Variants in SPDYE10 observed in about 807,000 individuals in gnomAD.
SPDYE10 encodes the protein speedy protein E10.
the SPDYE10 span, among the ~76,000 whole-genome samples, chr7:73,141,111 C>CACACACACACACAG: frequency 2.7e-5 from 4 of 145,522 alleles, no homozygotes; most frequent in African/African-American, 1.0e-4. Flanking sequence ...CACACACACA[C>CACACACACACACAG]AGACAAAATT....
the SPDYE10 span, among the ~76,000 whole-genome samples, chr7:73,113,995 G>A: frequency 7.2e-6 from 1 of 138,408 alleles, no homozygotes; most frequent in East Asian, 2.1e-4. Flanking sequence ...CATTTGCACT[G>A]TAGCCTGGGC....
the SPDYE10 span, among the ~76,000 whole-genome samples, chr7:73,142,858 A>G: frequency 6.6e-6 from 1 of 151,368 alleles, no homozygotes; most frequent in Non-Finnish European, 1.5e-5. Flanking sequence ...ACTTGAATCT[A>G]GGAGGCGGAG....
chr7:73,117,275 T>A, the SPDYE10 span, among the ~76,000 whole-genome samples: 6 of 116,662 alleles, frequency 5.1e-5, no homozygotes, highest in East Asian at 1.3e-3. Flanking sequence ...AGACGGGGTT[T>A]CACCATGTTA....
the SPDYE10 span, among the ~76,000 whole-genome samples, chr7:73,143,088 G>A: frequency 1.2e-4 from 18 of 150,756 alleles, no homozygotes; most frequent in Non-Finnish European, 1.5e-5. Flanking sequence ...ACCTTCTGCA[G>A]GACTTCACCT....
chr7:73,137,611 AAAGAAAG>A, the SPDYE10 span, among the ~76,000 whole-genome samples: 1 of 142,252 alleles, frequency 7.0e-6, no homozygotes, highest in South Asian at 2.3e-4. Flanking sequence ...AGAAAGAAAG[AAAGAAAG>A]AAAGAAAGAA....
At chr7:73,130,233 T>C in the SPDYE10 span, among the ~76,000 whole-genome samples, 178 of 147,142 alleles carry the variant, frequency 1.2e-3, no homozygotes, top group East Asian at 0.014. Flanking sequence ...GTGGGCAGAT[T>C]GCTTGAGCCC....
the SPDYE10 span, among the ~76,000 whole-genome samples, chr7:73,134,392 G>A: frequency 7.4e-6 from 1 of 134,266 alleles, no homozygotes; most frequent in Admixed American, 7.8e-5. Context: ...GAGGGGGGAG[G>A]GATAGCATTA....
At chr7:73,114,978 C>T in the SPDYE10 span, among the ~76,000 whole-genome samples, 1 of 151,880 alleles carries the variant, frequency 6.6e-6, no homozygotes, top group Admixed American at 6.6e-5. Flanking sequence ...CTCACTGCAA[C>T]CTCCGCCTCC....
At chr7:73,115,529 AT>A in the SPDYE10 span, among the ~76,000 whole-genome samples, 1 of 144,916 alleles carries the variant, frequency 6.9e-6, no homozygotes, top group Non-Finnish European at 1.5e-5. Flanking sequence ...GTCAACACGA[AT>A]CTCTCTCTTC....
the SPDYE10 span, among the ~76,000 whole-genome samples, chr7:73,140,914 C>G: frequency 1.3e-5 from 2 of 150,308 alleles, no homozygotes; most frequent in African/African-American, 2.4e-5. Context: ...AGCCACCTCA[C>G]CTGGCCAGAA....
At chr7:73,123,815 C>CTCTG in the SPDYE10 span, among the ~76,000 whole-genome samples, 4 of 151,522 alleles carry the variant, frequency 2.6e-5, no homozygotes, top group Admixed American at 2.6e-4. Flanking sequence ...CTCTCTCTCT[C>CTCTG]TCTCTCTCTC....
the SPDYE10 span, among the ~76,000 whole-genome samples, chr7:73,123,788 CCTCTCTCTCTCT>C: frequency 1.0e-5 from 1 of 97,458 alleles, no homozygotes; most frequent in East Asian, 3.2e-4. Context: ...TCTCTCTCTC[CCTCTCTCTCTCT>C]CTCTCTCTCT....
At chr7:73,138,599 A>G in the SPDYE10 span, among the ~76,000 whole-genome samples, 1 of 151,514 alleles carries the variant, frequency 6.6e-6, no homozygotes, top group Non-Finnish European at 1.5e-5. Context: ...GGATGGTCTC[A>G]ATCTCTTGAC....
At chr7:73,137,241 T>C in the SPDYE10 span, among the ~76,000 whole-genome samples, 1 of 148,736 alleles carries the variant, frequency 6.7e-6, no homozygotes, top group Non-Finnish European at 1.5e-5. Context: ...ATTAGCTGGG[T>C]GTGGTGTCTC....
chr7:73,123,787 CCCT>C, the SPDYE10 span, among the ~76,000 whole-genome samples: 20 of 143,682 alleles, frequency 1.4e-4, no homozygotes, highest in East Asian at 6.2e-4. Context: ...CTCTCTCTCT[CCCT>C]CTCTCTCTCT....
chr7:73,115,474 C>A, the SPDYE10 span, among the ~76,000 whole-genome samples: 2 of 150,106 alleles, frequency 1.3e-5, no homozygotes, highest in Non-Finnish European at 3.0e-5. Context: ...AGCCTTCCTT[C>A]CTTCCCCACA....
At chr7:73,137,639 AAAGG>A in the SPDYE10 span, among the ~76,000 whole-genome samples, 2 of 114,272 alleles carry the variant, frequency 1.8e-5, no homozygotes, top group African/African-American at 6.8e-5. Context: ...AGAAAGAAAG[AAAGG>A]AGAAAGAAAG....
At chr7:73,151,843 G>A in the SPDYE10 span, among the ~76,000 whole-genome samples, 1 of 91,578 alleles carries the variant, frequency 1.1e-5, no homozygotes, top group Non-Finnish European at 2.0e-5. Context: ...TTAAATAATT[G>A]CCATGCCCTG....
At chr7:73,135,357 A>G in the SPDYE10 span, among the ~76,000 whole-genome samples, 1 of 151,606 alleles carries the variant, frequency 6.6e-6, no homozygotes, top group Non-Finnish European at 1.5e-5. Flanking sequence ...TACAAGCCAC[A>G]AAGGGAGCCT....
Sources: allele counts gnomAD v4.1 joint callset (sites outside exome capture counted in the v4.1 genomes callset), GRCh38; gene constraint gnomAD v4.1.1; transcripts MANE v1.5; gene names NCBI Gene and HGNC (gene_info 2026-07-23, HGNC 2026-07-21).